CCKBR: variants seen among roughly 807,000 people sequenced by gnomAD.
CCKBR encodes the protein cholecystokinin B receptor.
Under a neutral mutation model 34.6 loss-of-function variants are expected in CCKBR, and 33 were observed. The ratio of observed to expected loss-of-function variants is 0.95; its 90% CI spans 0.72 to 1.27. The LOEUF (loss-of-function observed/expected upper bound fraction) is 1.27, where lower values mean the gene tolerates loss of function less well. Ranked by LOEUF, CCKBR falls within the 50% of genes most tolerant of loss-of-function variation. The pLI is 0.00. For missense variants in CCKBR, 652 were observed against 617.4 expected, an observed-to-expected ratio of 1.06 and a Z score of -0.59; for synonymous variants, 269 against 267.5, an observed-to-expected ratio of 1.01 and a Z score of -0.06.
At position 6,271,021 on chromosome 11, in the gene CCKBR, C is replaced by T. The variant is rs367917726; in HGVS notation, c.822C>T (p.His274=). ...ACCCTTTGTGCTCAGGGGCTGTTCA[C>T]CAGAACGGGCGTTGCCGGCCTGAGA... ...RNQGGLPGAV[H]QNGRCRPETG... Residue 274 remains histidine, a synonymous_variant, in exon 5 of 5, where the codon CAC becomes CAT. Transcript: ENST00000334619. The T allele has an allele frequency of 1.9e-6, 3 of 1,614,176 alleles. No individual in the cohort carries two copies. Among genetic ancestry groups the T allele is most frequent in the Non-Finnish European group, 2.5e-6 (3 of 1,180,022 alleles).
Position 6,271,060 on chromosome 11 carries a change from C to G in CCKBR, c.861C>G (p.Gly287=). 6.2e-7 allele frequency: 1 copy of G among 1,614,122 alleles called. No homozygotes were observed. Among genetic ancestry groups the G allele is most frequent in the Non-Finnish European group, 8.5e-7 (1 of 1,180,040 alleles). ...GRCRPETGAV[G]EDSDGCYVQL... Reference sequence around the variant, plus strand: ...GCCGGCCTGAGACTGGCGCGGTTGGCGAAGACAGCGATGGCTGCTACGTGC... The same window carrying G: ...GCCGGCCTGAGACTGGCGCGGTTGGGGAAGACAGCGATGGCTGCTACGTGC... Residue 287 remains glycine (G), a synonymous_variant, in exon 5 of 5, where the codon GGC becomes GGG. Coordinates refer to ENST00000334619, the MANE Select transcript of CCKBR (RefSeq NM_176875.4).
chr11:6,264,881 A>G (rs1322237234), intron 1 of CCKBR, among the ~76,000 whole-genome samples: 1 of 152,222 alleles, frequency 6.6e-6, no homozygotes, highest in Non-Finnish European at 1.5e-5. Flanking sequence ...AATTTACCCT[A>G]TTATTAACAG....
At chr11:6,265,253 G>A (rs990542744) in intron 1 of CCKBR, among the ~76,000 whole-genome samples, 4 of 152,182 alleles carry the variant, frequency 2.6e-5, no homozygotes, top group African/African-American at 4.8e-5. Flanking sequence ...GCAGAACACT[G>A]CACAGTTGCT....
Position 6,271,605 on chromosome 11 carries a change from T to C in CCKBR, c.*62T>C. 3 of 1,462,430 alleles carry C rather than the reference T, an allele frequency of 2.1e-6. No homozygotes were observed. Among genetic ancestry groups the C allele is most frequent in the South Asian group, 2.7e-5 (2 of 74,306 alleles). The allele number at this position is 1,462,430 out of a possible 1,614,324, so 90.6% of individuals were successfully genotyped here. On this transcript the variant is annotated 3_prime_UTR_variant, in exon 5 of 5. Coordinates refer to ENST00000334619, the MANE Select transcript of CCKBR (RefSeq NM_176875.4). ...TGACATGCACTGACCCTTCCAGACA[T>C]ACGAAACACAAACCACAACTGACAC... is the stretch of plus-strand genomic sequence containing the variant.
In CCKBR at chr11:6,270,788, C is replaced by T. The variant is rs761981311; in HGVS notation, c.796C>T (p.Gln266Ter). ...CGACAGCCAAAGCAGGGTCCGAAAC[C>T]AAGGCGGGCTGCCAGGTGGGGCTGG... ...DSDSQSRVRN[Q>*]GGLPGAVHQN... Residue 266 changes from glutamine to a stop codon, truncating the protein, a stop_gained, in exon 4 of 5, where the codon CAA (glutamine) becomes TAA (stop). Coordinates refer to ENST00000334619, the MANE Select transcript of CCKBR (RefSeq NM_176875.4). LOFTEE classifies it low-confidence loss of function (END_TRUNC). 1 of 1,614,184 alleles carries T rather than the reference C, an allele frequency of 6.2e-7. No individual in the cohort carries two copies. The highest frequency in any genetic ancestry group is 2.2e-5 in the East Asian group (1 of 44,886).
rs2133908154 is a variant in CCKBR, at chr11:6,271,655, A to C, written c.*112A>C. The C allele has an allele frequency of 2.9e-6, 3 of 1,042,844 alleles. No individual in the cohort carries two copies. The allele number at this position is 1,042,844 out of a possible 1,614,324, so 64.6% of individuals were successfully genotyped here. A position where few individuals can be genotyped will look rare whatever the true frequency, so the allele number is the denominator to read the frequency against. On this transcript the variant is annotated 3_prime_UTR_variant, in exon 5 of 5. Coordinates refer to ENST00000334619, the MANE Select transcript of CCKBR (RefSeq NM_176875.4). ...CAGGAAACCAACACCCAAAGCATGG[A>C]CTAACCCCAACGCACAGGAAAAGGT... is the stretch of plus-strand genomic sequence containing the variant.
chr11:6,264,600 A>T, intron 1 of CCKBR: 1 of 698,060 alleles, frequency 1.4e-6, no homozygotes, highest in Non-Finnish European at 2.6e-6. Flanking sequence ...TCACGGGTAG[A>T]CTTATCAAGG....
chr11:6,261,566 C>A (rs149655309), intron 1 of CCKBR, among the ~76,000 whole-genome samples: 1 of 149,538 alleles, frequency 6.7e-6, no homozygotes, highest in African/African-American at 2.5e-5. Context: ...AATAAAAGGA[C>A]AAGATGTATA....
chr11:6,266,980 T>C (rs1848218994), intron 1 of CCKBR, among the ~76,000 whole-genome samples: 1 of 152,186 alleles, frequency 6.6e-6, no homozygotes, highest in South Asian at 2.1e-4. Flanking sequence ...TTTGTGTATC[T>C]AAACATAGAA....
At position 6,271,685 on chromosome 11, in the gene CCKBR, T is replaced by C. The variant is rs1201438246; in HGVS notation, c.*142T>C. The C allele has an allele frequency of 3.8e-6, 3 of 790,922 alleles. No individual in the cohort carries two copies. Among genetic ancestry groups the C allele is most frequent in the Non-Finnish European group, 5.8e-6 (3 of 513,102 alleles). 49.0% of individuals were successfully genotyped at this position (790,922 alleles called of 1,614,324 possible). On this transcript the variant is annotated 3_prime_UTR_variant, in exon 5 of 5. Coordinates refer to ENST00000334619, the MANE Select transcript of CCKBR (RefSeq NM_176875.4). The stretch of plus-strand genomic sequence containing the variant: ...CCCCAACGCACAGGAAAAGGTAGCT[T>C]ACCTGACACAAGAGGAATAAGAATG...
At chr11:6,270,950 G>C in intron 4 of CCKBR, 61 bp from the exon 5 acceptor site, 2 of 1,613,012 alleles carry the variant, frequency 1.2e-6, no homozygotes, top group Non-Finnish European at 1.7e-6. Context: ...GTCAGGTGGG[G>C]ACTGGGCTGG....
chr11:6,269,759 T>A lies in CCKBR; in HGVS notation c.242T>A (p.Leu81Gln). 1 of 1,614,166 alleles carries A rather than the reference T, an allele frequency of 6.2e-7. No individual in the cohort carries two copies. Among genetic ancestry groups the A allele is most frequent in the Non-Finnish European group, 8.5e-7 (1 of 1,180,002 alleles). The change falls in exon 2 of 5, where the codon CTG becomes CAG. Residue 81 changes from leucine to glutamine, a missense_variant. Coordinates refer to ENST00000334619, the MANE Select transcript of CCKBR (RefSeq NM_176875.4). ...ATGCTCATCATCGTGGTCCTGGGAC[T>A]GAGCCGCCGCCTGAGGACTGTCACC... ...GNMLIIVVLG[L>Q]SRRLRTVTNA...
chr11:6,261,431 T>A, intron 1 of CCKBR, among the ~76,000 whole-genome samples: 1 of 45,346 alleles, frequency 2.2e-5, no homozygotes, highest in Admixed American at 3.8e-4. Flanking sequence ...AGCTTCCTGT[T>A]GGCAAAAAAA....
At chr11:6,267,852 G>A (rs922994618) in intron 1 of CCKBR, among the ~76,000 whole-genome samples, 2 of 152,112 alleles carry the variant, frequency 1.3e-5, no homozygotes, top group Non-Finnish European at 2.9e-5. Flanking sequence ...TTGTTATTTT[G>A]GGTTTTGTTT....
chr11:6,260,079 G>T lies in CCKBR; in HGVS notation c.151G>T (p.Glu51Ter). 6.3e-7 allele frequency: 1 copy of T among 1,590,448 alleles called. No individual in the cohort carries two copies. Among genetic ancestry groups the T allele is most frequent in the Non-Finnish European group, 8.5e-7 (1 of 1,172,138 alleles). ...PPRIRGAGTR[E>*]LELAIRITLY... is the part of the protein sequence containing the mutation. The stretch of plus-strand genomic sequence containing the variant: ...TCGCATTCGCGGAGCCGGGACACGA[G>T]GTGGGTGCCTCCCTCAGCCCCCCCC... Residue 51 changes from glutamate to a stop codon, truncating the protein, a stop_gained and splice_region_variant, in exon 1 of 5, where the codon GAA becomes TAA. Transcript: ENST00000334619. LOFTEE classifies it high-confidence loss of function.
In CCKBR at chr11:6,271,383, G is replaced by T. The variant is rs200480495; in HGVS notation, c.1184G>T (p.Arg395Leu). 3 of 1,614,046 alleles carry T rather than the reference G, an allele frequency of 1.9e-6. No individual in the cohort carries two copies. Among genetic ancestry groups the T allele is most frequent in the Non-Finnish European group, 2.5e-6 (3 of 1,180,026 alleles). ...CCCCTGGTCTACTGCTTCATGCACCGTCGCTTTCGCCAGGCCTGCCTGGAA... is the reference window on the plus strand; with the variant it reads ...CCCCTGGTCTACTGCTTCATGCACCTTCGCTTTCGCCAGGCCTGCCTGGAA... The part of the protein sequence containing the change: ...VNPLVYCFMH[R>L]RFRQACLETC... The change falls in exon 5 of 5, where the codon CGT (arginine) becomes CTT (leucine). Residue 395 changes from arginine to leucine, a missense_variant. Transcript: ENST00000334619.
At chr11:6,270,576 C>T (rs909154665) in intron 3 of CCKBR, 70 bp from the exon 4 acceptor site, 2 of 1,510,714 alleles carry the variant, frequency 1.3e-6, no homozygotes, top group African/African-American at 1.4e-5. Context: ...AAACACTAGT[C>T]CTTGGCTTTT....
chr11:6,271,478 ACTCC>A lies in CCKBR; in HGVS notation c.1284_1287del (p.Ser429LeufsTer21). On this transcript the variant is annotated frameshift_variant, in exon 5 of 5. Coordinates refer to ENST00000334619, the MANE Select transcript of CCKBR (RefSeq NM_176875.4). LOFTEE classifies it high-confidence loss of function. The stretch of plus-strand genomic sequence containing the variant: ...GGCTCTTCCCGATGAGGACCCTCCC[ACTCC>A]CTCCATTGCTTCGCTGTCCAGGCTT... 1 of 1,611,882 alleles carries A rather than the reference ACTCC, an allele frequency of 6.2e-7. No individual in the cohort carries two copies. Among genetic ancestry groups the A allele is most frequent in the Non-Finnish European group, 8.5e-7 (1 of 1,179,678 alleles).
Position 6,263,759 on chromosome 11 carries a change from AC to A in CCKBR, c.151+3682del, listed in dbSNP as rs1324661237. 2.0e-5 allele frequency among the ~76,000 whole-genome samples: 3 copies of A among 152,346 alleles called. No individual in the cohort carries two copies. In the East Asian group the frequency reaches 5.8e-4, roughly 29 times the overall value. On this transcript the variant is annotated intron_variant, in intron 1 of 4. Transcript: ENST00000334619. ...AGTGCTGGGATTACAGATATAAGCC[AC>A]CATGTCTGGCCCAGATTAACATCTT...
Sources: allele counts gnomAD v4.1 joint callset (sites outside exome capture counted in the v4.1 genomes callset), GRCh38; gene constraint gnomAD v4.1.1; transcripts MANE v1.5; gene names NCBI Gene and HGNC (gene_info 2026-07-23, HGNC 2026-07-21).